LARGE1: variants seen among roughly 807,000 people sequenced by gnomAD.
The protein encoded by LARGE1 is LARGE xylosyl- and glucuronyltransferase 1, also known as xylosyl- and glucuronyltransferase LARGE1.
LARGE1 carries 43 observed loss-of-function variants against 87.6 expected under a neutral mutation model. The observed-to-expected ratio is 0.49, with a 90% confidence interval of 0.38 to 0.63. The LOEUF is 0.63. Among genes scored for constraint, LARGE1 ranks in the 30% least tolerant of loss-of-function variants. The probability of loss-of-function intolerance (pLI) is 0.00; values close to 1 mark genes in which losing one functional copy is unlikely to be tolerated. For missense variants in LARGE1, 802 were observed against 1,000.2 expected, an observed-to-expected ratio of 0.80 and a Z score of 2.67; for synonymous variants, 434 against 394.6, an observed-to-expected ratio of 1.10 and a Z score of -1.18.
intron 1 of LARGE1, among the ~76,000 whole-genome samples, chr22:33,842,821 A>G (rs536348422): frequency 1.3e-5 from 2 of 152,264 alleles, no homozygotes; most frequent in African/African-American, 4.8e-5. Flanking sequence ...ATGGCTACTG[A>G]TCTAGAGGGC....
chr22:33,773,121 A>G (rs1383254670), intron 1 of LARGE1, among the ~76,000 whole-genome samples: 2 of 152,102 alleles, frequency 1.3e-5, no homozygotes, highest in Non-Finnish European at 2.9e-5. Context: ...TCCCTGCTCC[A>G]TGGGAATGAC....
chr22:33,136,035 C>T, the LARGE1 span, among the ~76,000 whole-genome samples: 1 of 152,106 alleles, frequency 6.6e-6, no homozygotes, highest in African/African-American at 2.4e-5. Flanking sequence ...TTTCCTCCTC[C>T]TCTATTGTGT....
intron 6 of LARGE1, among the ~76,000 whole-genome samples, chr22:33,433,602 CA>C (rs1439790200): frequency 1.3e-4 from 4 of 31,938 alleles, no homozygotes; most frequent in Non-Finnish European, 2.6e-4. Context: ...TCTCAAAAAA[CA>C]AAACAAAAAA....
At chr22:33,631,837 C>A (rs1203512925) in intron 3 of LARGE1, among the ~76,000 whole-genome samples, 1 of 152,184 alleles carries the variant, frequency 6.6e-6, no homozygotes, top group Non-Finnish European at 1.5e-5. Context: ...TTTGTTCACA[C>A]CAACATCACC....
chr22:33,323,418 G>T (rs1212707232), intron 10 of LARGE1, among the ~76,000 whole-genome samples: 1 of 152,204 alleles, frequency 6.6e-6, no homozygotes, highest in Non-Finnish European at 1.5e-5. Context: ...GGAAACTAAG[G>T]CTCAGGAGCT....
intron 1 of LARGE1, among the ~76,000 whole-genome samples, chr22:33,776,576 T>C (rs1219704309): frequency 6.6e-6 from 1 of 152,190 alleles, no homozygotes; most frequent in Non-Finnish European, 1.5e-5. Flanking sequence ...AGCCCTGCCT[T>C]GGAGTATTTC....
chr22:33,445,605 T>C (rs1252262975), intron 6 of LARGE1, among the ~76,000 whole-genome samples: 3 of 151,832 alleles, frequency 2.0e-5, no homozygotes, highest in African/African-American at 7.3e-5. Flanking sequence ...CCTTGGAATT[T>C]CCTGGGTGAC....
intron 1 of LARGE1, among the ~76,000 whole-genome samples, chr22:33,777,120 A>G (rs559637519): frequency 6.6e-6 from 1 of 152,194 alleles, no homozygotes; most frequent in Non-Finnish European, 1.5e-5. Context: ...TGAGAAGGAG[A>G]GAGAAGTCAT....
intron 1 of LARGE1, among the ~76,000 whole-genome samples, chr22:33,808,656 G>A (rs1043612744): frequency 6.6e-6 from 1 of 152,222 alleles, no homozygotes; most frequent in African/African-American, 2.4e-5. Context: ...CCCCACATGT[G>A]AGCCGGATCA....
chr22:33,620,006 C>T (rs933012287), intron 4 of LARGE1, among the ~76,000 whole-genome samples: 5 of 152,146 alleles, frequency 3.3e-5, no homozygotes, highest in Non-Finnish European at 7.3e-5. Context: ...GGAGCAGAAC[C>T]AGAACCCAGG....
intron 2 of LARGE1, among the ~76,000 whole-genome samples, chr22:33,719,343 C>T (rs183050132): frequency 5.7e-4 from 86 of 152,150 alleles, no homozygotes; most frequent in Admixed American, 4.5e-3. Flanking sequence ...AGCATAAGTG[C>T]GCAGTGTTTA....
intron 1 of LARGE1, among the ~76,000 whole-genome samples, chr22:33,853,055 G>A (rs571359543): frequency 2.0e-5 from 3 of 151,960 alleles, no homozygotes; most frequent in Non-Finnish European, 2.9e-5. Context: ...TGAAGGGGGG[G>A]CCTAAACAAA....
At chr22:33,880,149 G>C (rs1448447217) in intron 1 of LARGE1, among the ~76,000 whole-genome samples, 1 of 152,172 alleles carries the variant, frequency 6.6e-6, no homozygotes, top group Non-Finnish European at 1.5e-5. Flanking sequence ...ACGTTAACAT[G>C]CTCTTATTTC....
intron 3 of LARGE1, among the ~76,000 whole-genome samples, 193 bp from the exon 4 acceptor site, chr22:33,626,519 C>G (rs961746642): frequency 2.0e-5 from 3 of 152,274 alleles, no homozygotes; most frequent in Non-Finnish European, 2.9e-5. Flanking sequence ...GCTTATGGAG[C>G]TATTATCATT....
chr22:33,615,671 C>CAAAAAAAAAAAA, intron 4 of LARGE1, among the ~76,000 whole-genome samples: 1 of 134,574 alleles, frequency 7.4e-6, no homozygotes, highest in Non-Finnish European at 1.6e-5. Flanking sequence ...TAAGGAAAAA[C>CAAAAAAAAAAAA]AAAAAAAAAA....
chr22:33,707,895 G>T (rs1420671914), intron 2 of LARGE1, among the ~76,000 whole-genome samples: 3 of 152,122 alleles, frequency 2.0e-5, no homozygotes, highest in Non-Finnish European at 4.4e-5. Context: ...AGAAACTAGG[G>T]AACCAGAGTG....
intron 11 of LARGE1, among the ~76,000 whole-genome samples, chr22:33,174,590 C>T (rs1213516446): frequency 6.6e-6 from 1 of 151,956 alleles, no homozygotes; most frequent in Non-Finnish European, 1.5e-5. Flanking sequence ...ATAGATTGAC[C>T]ATTAGCCAGA....
chr22:33,645,843 C>T (rs556605725), intron 3 of LARGE1, among the ~76,000 whole-genome samples: 19 of 152,290 alleles, frequency 1.2e-4, no homozygotes, highest in Non-Finnish European at 2.2e-4. Context: ...TGAAGAAAAG[C>T]TCAGCATCAC....
Position 33,316,210 on chromosome 22 carries a change from CAGG to C in LARGE1, c.1323_1325del (p.Asp441_Leu442delinsGlu). ...AGCGCTCTCGCCGGAACTCATAGCA[CAGG>C]TCGTCCTCGTCCAGCTCAGACAGCT... is the stretch of plus-strand genomic sequence containing the variant. On this transcript the variant is annotated inframe_deletion, in exon 11 of 15. Transcript: ENST00000397394. The C allele has an allele frequency of 6.2e-7, 1 of 1,614,032 alleles. No individual in the cohort carries two copies. The highest frequency in any genetic ancestry group is 8.5e-7 in the Non-Finnish European group (1 of 1,179,980).
Sources: allele counts gnomAD v4.1 joint callset (sites outside exome capture counted in the v4.1 genomes callset), GRCh38; gene constraint gnomAD v4.1.1; transcripts MANE v1.5; gene names NCBI Gene and HGNC (gene_info 2026-07-23, HGNC 2026-07-21).